FTCDNL1: variants seen among roughly 807,000 people sequenced by gnomAD.
FTCDNL1 encodes the protein formiminotransferase N-terminal subdomain-containing protein.
A neutral mutation model predicts 5.9 loss-of-function variants in FTCDNL1; 11 were observed. That is an observed-to-expected ratio of 1.87 (90% CI 1.18 to 3.10). The LOEUF is 3.10. Ranked by LOEUF, FTCDNL1 falls within the 30% of genes most tolerant of loss-of-function variation. FTCDNL1 has a pLI of 0.00. For missense variants in FTCDNL1, 115 were observed against 65.5 expected, an observed-to-expected ratio of 1.76 and a Z score of -2.61; for synonymous variants, 58 against 24.8, an observed-to-expected ratio of 2.34 and a Z score of -3.99.
At chr2:199,696,714 G>A in the FTCDNL1 span, among the ~76,000 whole-genome samples, 1 of 151,950 alleles carries the variant, frequency 6.6e-6, no homozygotes, top group Admixed American at 6.6e-5. Flanking sequence ...GAATGAACTA[G>A]TGCAAAAACT....
chr2:199,746,479 C>A, the FTCDNL1 span, among the ~76,000 whole-genome samples: 3 of 151,966 alleles, frequency 2.0e-5, no homozygotes, highest in Non-Finnish European at 2.9e-5. Context: ...ATGGTGCCAG[C>A]TAGGCAGAGA....
At chr2:199,758,788 GC>G (rs1258878935), downstream of FTCDNL1, among the ~76,000 whole-genome samples, 1 of 152,134 alleles carries the variant, frequency 6.6e-6, no homozygotes, top group Admixed American at 6.6e-5. Context: ...GTGGAGATGG[GC>G]CCCAAAAATC....
At chr2:199,732,548 A>G in the FTCDNL1 span, among the ~76,000 whole-genome samples, 1 of 151,984 alleles carries the variant, frequency 6.6e-6, no homozygotes, top group Non-Finnish European at 1.5e-5. Context: ...TCTTCCTGGA[A>G]TGTTACAGGG....
At chr2:199,848,764 C>A in intron 2 of FTCDNL1, 84 bp downstream of exon 2, 2 of 611,166 alleles carry the variant, frequency 3.3e-6, no homozygotes, top group South Asian at 1.9e-5. Flanking sequence ...GAAAAGTGTT[C>A]TGTAGATACA....
rs1402490001 is a variant in FTCDNL1, at chr2:199,812,685, A to C, written c.*20T>G. ...CCCTCACTGCAAGGCTGAAATTCCA[A>C]TTTTCTTCCAACACAACTGTCACAA... On this transcript the variant is annotated 3_prime_UTR_variant, in exon 5 of 5. Coordinates refer to ENST00000420128, the MANE Select transcript of FTCDNL1 (RefSeq NM_001363886.2). The C allele has an allele frequency of 1.4e-6, 1 of 697,812 alleles. No individual in the cohort carries two copies. Among genetic ancestry groups the C allele is most frequent in the East Asian group, 2.7e-5 (1 of 37,054 alleles). The allele number at this position is 697,812 out of a possible 1,614,324, so 43.2% of individuals were successfully genotyped here.
At chr2:199,798,934 G>C (rs1466082280) in intron 3 of FTCDNL1, among the ~76,000 whole-genome samples, 2 of 152,198 alleles carry the variant, frequency 1.3e-5, no homozygotes, top group Non-Finnish European at 1.5e-5. Flanking sequence ...TCAGTAGCAA[G>C]TGTTGAAAAC....
At chr2:199,717,227 T>G in the FTCDNL1 span, among the ~76,000 whole-genome samples, 1 of 152,234 alleles carries the variant, frequency 6.6e-6, no homozygotes, top group Non-Finnish European at 1.5e-5. Context: ...CAGAAGATAT[T>G]GCCATGTCGG....
At chr2:199,748,498 T>C in the FTCDNL1 span, among the ~76,000 whole-genome samples, 1 of 152,164 alleles carries the variant, frequency 6.6e-6, no homozygotes, top group East Asian at 1.9e-4. Context: ...CCTCTTTCCT[T>C]ATCCCTGTGT....
At chr2:199,700,347 T>G in the FTCDNL1 span, among the ~76,000 whole-genome samples, 1 of 151,540 alleles carries the variant, frequency 6.6e-6, no homozygotes, top group Non-Finnish European at 1.5e-5. Flanking sequence ...AACAGGGAGG[T>G]GAAAGATCTC....
intron 3 of FTCDNL1, among the ~76,000 whole-genome samples, chr2:199,829,657 G>A (rs888160435): frequency 6.6e-6 from 1 of 152,204 alleles, no homozygotes; most frequent in African/African-American, 2.4e-5. Context: ...TCTGTCTACA[G>A]TGGTATTTAA....
At chr2:199,842,025 G>A (rs1057176903) in intron 3 of FTCDNL1, among the ~76,000 whole-genome samples, 1 of 152,016 alleles carries the variant, frequency 6.6e-6, no homozygotes, top group South Asian at 2.1e-4. Flanking sequence ...TTGGGAGGCC[G>A]AGGCCGGCAG....
chr2:199,741,149 T>A, the FTCDNL1 span, among the ~76,000 whole-genome samples: 2 of 152,204 alleles, frequency 1.3e-5, no homozygotes, highest in Non-Finnish European at 2.9e-5. Context: ...CCTGTGTTCA[T>A]CCTGCCTTGG....
intron 1 of FTCDNL1, among the ~76,000 whole-genome samples, chr2:199,850,328 T>A (rs1382024161): frequency 6.6e-6 from 1 of 152,256 alleles, no homozygotes; most frequent in Non-Finnish European, 1.5e-5. Context: ...GTTTTCAGTG[T>A]GTTTATGCAG....
At chr2:199,686,958 T>C in the FTCDNL1 span, among the ~76,000 whole-genome samples, 1 of 152,186 alleles carries the variant, frequency 6.6e-6, no homozygotes, top group South Asian at 2.1e-4. Context: ...AGTCAGTGGA[T>C]TTACCTCTAA....
chr2:199,777,543 C>T (rs2106314317), intron 3 of FTCDNL1, among the ~76,000 whole-genome samples: 1 of 152,250 alleles, frequency 6.6e-6, no homozygotes, highest in Middle Eastern at 3.4e-3. Flanking sequence ...CTCTGCTTTA[C>T]TTAAAGTTGG....
chr2:199,694,229 C>G, the FTCDNL1 span, among the ~76,000 whole-genome samples: 1 of 152,208 alleles, frequency 6.6e-6, no homozygotes, highest in Non-Finnish European at 1.5e-5. Flanking sequence ...TTCAGGGCAG[C>G]TGTTCTACTT....
chr2:199,822,088 A>AAT (rs1701729909), intron 3 of FTCDNL1, among the ~76,000 whole-genome samples: 1 of 152,130 alleles, frequency 6.6e-6, no homozygotes, highest in South Asian at 2.1e-4. Flanking sequence ...TGCAGAAACC[A>AAT]ATATATATAC....
chr2:199,768,602 G>A (rs540870469), intron 3 of FTCDNL1, among the ~76,000 whole-genome samples: 1 of 151,856 alleles, frequency 6.6e-6, no homozygotes. Flanking sequence ...GAAATCAGAA[G>A]GAAGAATAAG....
rs1574578054 is a variant in FTCDNL1 at position 199,809,331 on chromosome 2, T to G, written c.*3374A>C. ...GTCTCAAACTCCTGGGTTCAAGTGA[T>G]CCTCCTACCTTGGCCTCCCAAAGTG... On this transcript the variant is annotated 3_prime_UTR_variant, in exon 5 of 5. Coordinates refer to ENST00000420128, the MANE Select transcript of FTCDNL1 (RefSeq NM_001363886.2). Among the ~76,000 whole-genome samples the G allele has an allele frequency of 6.6e-6, 1 of 151,796 alleles. No individual in the cohort carries two copies. The highest frequency in any genetic ancestry group is 6.6e-5 in the Admixed American group (1 of 15,222).
Sources: allele counts gnomAD v4.1 joint callset (sites outside exome capture counted in the v4.1 genomes callset), GRCh38; gene constraint gnomAD v4.1.1; transcripts MANE v1.5; gene names NCBI Gene and HGNC (gene_info 2026-07-23, HGNC 2026-07-21).